The following PDE4D variants were observed in gnomAD, a reference collection of about 807,000 sequenced individuals.
PDE4D encodes the protein 3',5'-cyclic-AMP phosphodiesterase 4D.
A neutral mutation model predicts 87.4 loss-of-function variants in PDE4D; 24 were observed. The observed-to-expected ratio is 0.27, with a 90% CI of 0.20 to 0.39. PDE4D has a LOEUF of 0.39. Among genes scored for constraint, PDE4D ranks in the 10% least tolerant of loss-of-function variants. The pLI, the probability that PDE4D is intolerant of heterozygous loss-of-function variation, is 1.00. For missense variants in PDE4D, 714 were observed against 1,041.0 expected (o/e 0.69, Z 4.32); for synonymous variants, 384 against 383.2 (o/e 1.00, Z -0.02).
At chr5:59,860,651 T>A (rs1746122124) in intron 1 of PDE4D, among the ~76,000 whole-genome samples, 1 of 152,144 alleles carries the variant, frequency 6.6e-6, no homozygotes, top group Admixed American at 6.5e-5. Flanking sequence ...GAATCACATT[T>A]AACTGGCTTT....
intron 5 of PDE4D, among the ~76,000 whole-genome samples, chr5:59,127,610 C>A (rs1203542377): frequency 6.8e-5 from 7 of 103,618 alleles, no homozygotes; most frequent in African/African-American, 2.0e-4. Flanking sequence ...TCCCCACCCC[C>A]CCACCCCCCA....
chr5:60,084,746 G>A (rs983427051), intron 2 of PDE4D, among the ~76,000 whole-genome samples: 1 of 152,180 alleles, frequency 6.6e-6, no homozygotes, highest in African/African-American at 2.4e-5. Flanking sequence ...GCCTTGGTTA[G>A]TCAGCAGTCA....
At chr5:60,315,534 T>C (rs1414909429) in intron 1 of PDE4D, among the ~76,000 whole-genome samples, 1 of 152,230 alleles carries the variant, frequency 6.6e-6, no homozygotes, top group Non-Finnish European at 1.5e-5. Flanking sequence ...CCATTGCTTT[T>C]GGTGTTTTAG....
chr5:59,522,782 C>T (rs888123468), intron 1 of PDE4D, among the ~76,000 whole-genome samples: 1 of 152,074 alleles, frequency 6.6e-6, no homozygotes, highest in Non-Finnish European at 1.5e-5. Flanking sequence ...TTTCAGAGGA[C>T]CTCTACTGCT....
intron 1 of PDE4D, among the ~76,000 whole-genome samples, chr5:59,785,017 T>C (rs1253213844): frequency 1.3e-5 from 2 of 152,218 alleles, no homozygotes; most frequent in African/African-American, 4.8e-5. Context: ...CCCTTAAACC[T>C]GTTTTTCTTT....
At chr5:60,409,505 C>A (rs1222325391) in intron 1 of PDE4D, among the ~76,000 whole-genome samples, 1 of 152,136 alleles carries the variant, frequency 6.6e-6, no homozygotes, top group Non-Finnish European at 1.5e-5. Flanking sequence ...ATCTATATAG[C>A]AATTATCCTG....
At chr5:60,240,148 A>G (rs1746918205) in intron 1 of PDE4D, among the ~76,000 whole-genome samples, 2 of 151,792 alleles carry the variant, frequency 1.3e-5, no homozygotes, top group South Asian at 2.1e-4. Context: ...CTTTTATTAT[A>G]CTTTATATTT....
intron 1 of PDE4D, among the ~76,000 whole-genome samples, chr5:60,502,771 TAA>T (rs1286818569): frequency 1.3e-5 from 2 of 152,170 alleles, no homozygotes; most frequent in Non-Finnish European, 2.9e-5. Context: ...AAAGCAGTAA[TAA>T]AAGTGTTTTA....
chr5:59,474,990 G>T (rs1453954362), intron 1 of PDE4D, among the ~76,000 whole-genome samples: 1 of 151,870 alleles, frequency 6.6e-6, no homozygotes, highest in East Asian at 1.9e-4. Flanking sequence ...AAGGAAACCA[G>T]CATGAACCAA....
rs1330589779 is a variant in PDE4D, at chr5:59,643,441, C to T, written c.455+249727G>A. Among the ~76,000 whole-genome samples the T allele has an allele frequency of 3.3e-5, 5 of 152,150 alleles. No homozygotes were observed. In the East Asian group the frequency reaches 7.7e-4, roughly 23 times the overall value. On this transcript the variant is annotated intron_variant, in intron 1 of 14. Coordinates refer to ENST00000340635, the MANE Select transcript of PDE4D (RefSeq NM_001104631.2). ...AAGCTGGAGGAAGGAATGACAAAGA[C>T]ACGAGGAAACTTTTGGGGGTGATAT... is the stretch of plus-strand genomic sequence containing the variant.
chr5:59,708,246 T>G (rs943803160), intron 1 of PDE4D, among the ~76,000 whole-genome samples: 1 of 152,112 alleles, frequency 6.6e-6, no homozygotes, highest in Admixed American at 6.6e-5. Context: ...GTTGGCTGCA[T>G]GAATGTCTTC....
At chr5:60,409,703 G>A (rs1361822220) in intron 1 of PDE4D, among the ~76,000 whole-genome samples, 1 of 152,162 alleles carries the variant, frequency 6.6e-6, no homozygotes, top group Admixed American at 6.5e-5. Context: ...ATTCAAAACA[G>A]GCCATTTGCC....
At chr5:59,365,820 A>G (rs952821695) in intron 1 of PDE4D, among the ~76,000 whole-genome samples, 3 of 152,188 alleles carry the variant, frequency 2.0e-5, no homozygotes, top group South Asian at 2.1e-4. Flanking sequence ...TCAATAAAAC[A>G]TATCAGTAGT....
intron 1 of PDE4D, among the ~76,000 whole-genome samples, chr5:60,206,324 A>G: frequency 6.6e-6 from 1 of 152,256 alleles, no homozygotes; most frequent in East Asian, 1.9e-4. Flanking sequence ...ACAGGGCTAA[A>G]GAGAAAAATA....
chr5:59,594,981 T>G (rs1215513179), intron 1 of PDE4D, among the ~76,000 whole-genome samples: 1 of 152,134 alleles, frequency 6.6e-6, no homozygotes, highest in African/African-American at 2.4e-5. Context: ...GTGTGGGGGT[T>G]GGAGTAAATG....
chr5:60,261,215 G>A (rs1749616610), intron 1 of PDE4D, among the ~76,000 whole-genome samples: 1 of 152,092 alleles, frequency 6.6e-6, no homozygotes, highest in Admixed American at 6.6e-5. Flanking sequence ...ACCATTTCTT[G>A]ATCAAATTAG....
At chr5:58,999,407 GAACA>G in intron 6 of PDE4D, 1 of 624,072 alleles carries the variant, frequency 1.6e-6, no homozygotes, top group Non-Finnish European at 2.7e-6. Context: ...CTGATAGTTT[GAACA>G]AATTACAGTA....
At chr5:59,322,636 T>C (rs1389262501) in intron 1 of PDE4D, among the ~76,000 whole-genome samples, 1 of 152,142 alleles carries the variant, frequency 6.6e-6, no homozygotes, top group East Asian at 1.9e-4. Context: ...CACCATCCTT[T>C]TCTTCCTCAT....
At chr5:60,023,814 T>C (rs1361047297) in intron 2 of PDE4D, among the ~76,000 whole-genome samples, 2 of 152,142 alleles carry the variant, frequency 1.3e-5, no homozygotes, top group African/African-American at 4.8e-5. Context: ...GAAAATATGG[T>C]ACATCAGAGT....
Sources: allele counts gnomAD v4.1 joint callset (sites outside exome capture counted in the v4.1 genomes callset), GRCh38; gene constraint gnomAD v4.1.1; transcripts MANE v1.5; gene names NCBI Gene and HGNC (gene_info 2026-07-23, HGNC 2026-07-21).